Variants in SYT16 observed in about 807,000 individuals in gnomAD.
SYT16 encodes synaptotagmin 16, also known as synaptotagmin-16.
A neutral mutation model predicts 61.4 loss-of-function variants in SYT16; 42 were observed. The ratio of observed to expected loss-of-function variants is 0.68; its 90% CI spans 0.53 to 0.89. The LOEUF is 0.89. Ranked by LOEUF, SYT16 falls within the 40% of genes least tolerant of loss-of-function variation. The pLI is 0.00. For missense variants in SYT16, 804 were observed against 807.3 expected, an observed-to-expected ratio of 1.00 and a Z score of 0.05; for synonymous variants, 314 against 302.3, an observed-to-expected ratio of 1.04 and a Z score of -0.40.
intron 7 of SYT16, among the ~76,000 whole-genome samples, chr14:62,088,206 C>T (rs1267725248): frequency 7.9e-5 from 12 of 152,116 alleles, no homozygotes; most frequent in South Asian, 2.1e-4. Flanking sequence ...ACAGTCCTCA[C>T]GCCCATCTAG....
At chr14:62,070,329 A>G (rs9323382) in intron 4 of SYT16, among the ~76,000 whole-genome samples, 28,820 of 152,172 alleles carry the variant, frequency 0.19, 2,747 homozygotes, top group South Asian at 0.28. Context: ...GTAGTGTAAT[A>G]ATATTAAATA....
At chr14:61,858,120 C>CAAAAAAAAAAAAAAAAAAAA (rs34781118) in intron 1 of SYT16, among the ~76,000 whole-genome samples, 2 of 43,230 alleles carry the variant, frequency 4.6e-5, no homozygotes, top group African/African-American at 5.8e-5. Flanking sequence ...CACAGCTTGG[C>CAAAAAAAAAAAAAAAAAAAA]AAAAAAAAAA....
chr14:61,952,973 C>T (rs537585923), intron 1 of SYT16, among the ~76,000 whole-genome samples: 33 of 152,132 alleles, frequency 2.2e-4, no homozygotes, highest in African/African-American at 6.7e-4. Flanking sequence ...AATATTATTA[C>T]GCTTATAATG....
chr14:61,829,441 TTA>T, intron 1 of SYT16, among the ~76,000 whole-genome samples: 1 of 152,286 alleles, frequency 6.6e-6, no homozygotes, highest in East Asian at 1.9e-4. Flanking sequence ...ATCTCTAGAT[TTA>T]TGTCTTTCCC....
At chr14:62,011,926 C>CTATATATATATATATATATAT (rs2053479327) in intron 3 of SYT16, among the ~76,000 whole-genome samples, 1 of 132,772 alleles carries the variant, frequency 7.5e-6, no homozygotes, top group African/African-American at 3.4e-5. Context: ...CACACACACA[C>CTATATATATATATATATATAT]ATATATATAT....
At chr14:61,850,006 C>A (rs1421316198) in intron 1 of SYT16, among the ~76,000 whole-genome samples, 1 of 152,182 alleles carries the variant, frequency 6.6e-6, no homozygotes, top group African/African-American at 2.4e-5. Flanking sequence ...TTCCCACCAA[C>A]AATATGAGTT....
chr14:61,989,997 T>A (rs1219870667), intron 2 of SYT16, among the ~76,000 whole-genome samples: 1 of 152,164 alleles, frequency 6.6e-6, no homozygotes. Context: ...TTTATATTTG[T>A]TGAGATGCCA....
chr14:62,054,825 T>A (rs539578092), intron 3 of SYT16, among the ~76,000 whole-genome samples: 1 of 152,282 alleles, frequency 6.6e-6, no homozygotes, highest in South Asian at 2.1e-4. Flanking sequence ...ACTTTAGAAA[T>A]TGCCTTGAGG....
At chr14:61,924,318 T>TAATC (rs1227025495) in intron 1 of SYT16, among the ~76,000 whole-genome samples, 1 of 152,214 alleles carries the variant, frequency 6.6e-6, no homozygotes, top group Non-Finnish European at 1.5e-5. Context: ...GGAGCCAAGA[T>TAATC]AATCCCTGGG....
At position 61,952,657 on chromosome 14, in the gene SYT16, C is replaced by G. The variant is rs761322160; in HGVS notation, c.-324-17475C>G. Among the ~76,000 whole-genome samples the G allele has an allele frequency of 1.2e-3, 182 of 152,264 alleles. 1 individual carries two copies. Among genetic ancestry groups the G allele is most frequent in the East Asian group, 3.9e-4 (2 of 5,190 alleles). On this transcript the variant is annotated intron_variant, in intron 1 of 7. Transcript: ENST00000683842. Reference sequence around the variant, plus strand: ...TAAAGATAGCACCCCATGTATACCCCCAAATGTTGTGTTCTCAAGTGTTTT... The same window carrying G: ...TAAAGATAGCACCCCATGTATACCCGCAAATGTTGTGTTCTCAAGTGTTTT...
At chr14:61,998,728 C>G (rs1353897809) in intron 3 of SYT16, among the ~76,000 whole-genome samples, 3 of 151,858 alleles carry the variant, frequency 2.0e-5, no homozygotes. Context: ...AGTGAATATC[C>G]TTGCCTCAAT....
chr14:61,813,100 C>T (rs2045318751), intron 1 of SYT16, among the ~76,000 whole-genome samples: 1 of 152,260 alleles, frequency 6.6e-6, no homozygotes, highest in Admixed American at 6.5e-5. Flanking sequence ...GGCACTGCCC[C>T]CAGGCCCAGA....
At chr14:61,937,095 G>A (rs952065017) in intron 1 of SYT16, among the ~76,000 whole-genome samples, 2 of 152,240 alleles carry the variant, frequency 1.3e-5, no homozygotes, top group Admixed American at 1.3e-4. Context: ...AAGCTGGGCT[G>A]GCTGGAGCAG....
At chr14:61,973,087 A>G (rs1315695003) in intron 2 of SYT16, among the ~76,000 whole-genome samples, 3 of 152,220 alleles carry the variant, frequency 2.0e-5, no homozygotes, top group South Asian at 4.1e-4. Flanking sequence ...TTAATTTAAT[A>G]TATGTGAGGT....
intron 1 of SYT16, among the ~76,000 whole-genome samples, chr14:61,914,228 C>G (rs191779655): frequency 2.8e-4 from 42 of 152,286 alleles, no homozygotes; most frequent in Admixed American, 3.3e-4. Context: ...AGCAAAGTTT[C>G]TTTGCTAGGC....
At chr14:61,844,454 T>C (rs1048347084) in intron 1 of SYT16, among the ~76,000 whole-genome samples, 2 of 152,170 alleles carry the variant, frequency 1.3e-5, no homozygotes, top group African/African-American at 4.8e-5. Context: ...GGCATTCTCA[T>C]TGTGTTCCAA....
intron 3 of SYT16, among the ~76,000 whole-genome samples, chr14:62,054,360 G>GTTGTGTTTTTTTTTTTTTT: frequency 8.5e-6 from 1 of 118,298 alleles, no homozygotes; most frequent in Non-Finnish European, 1.7e-5. Context: ...AGTGAAGTGA[G>GTTGTGTTTTTTTTTTTTTT]TTTTTTTTTT....
In SYT16 at chr14:62,102,990, TATA is replaced by T. The variant is rs2057450188; in HGVS notation, c.*2286_*2288del. On this transcript the variant is annotated 3_prime_UTR_variant, in exon 8 of 8. Transcript: ENST00000683842. ...AATGCCTGAAAACATTTTTTATTTT[TATA>T]ATTTTACTATGTTGGTGCTACTCAC... 1.3e-5 allele frequency: 2 copies of T among 152,222 alleles called. No homozygotes were observed. The highest frequency in any genetic ancestry group is 2.9e-5 in the Non-Finnish European group (2 of 68,028). The allele number at this position is 152,222 out of a possible 1,614,324, so 9.4% of individuals were successfully genotyped here.
In SYT16 at chr14:62,110,790, G is replaced by A. The variant is rs1470105645; in HGVS notation, c.*10083G>A. ...CAACCTAACTTTGAGTACAGGCAAA[G>A]TATTAAATGGAATAGCTTTTCCTCC... On this transcript the variant is annotated 3_prime_UTR_variant, in exon 8 of 8. Coordinates refer to ENST00000683842, the MANE Select transcript of SYT16 (RefSeq NM_001367656.1). 1.3e-5 allele frequency: 2 copies of A among 152,076 alleles called. No individual in the cohort carries two copies. The highest frequency in any genetic ancestry group is 2.4e-5 in the African/African-American group (1 of 41,454). 9.4% of individuals were successfully genotyped at this position (152,076 alleles called of 1,614,324 possible).
Sources: gnomAD v4.1 joint callset for allele counts (sites outside exome capture counted in the v4.1 genomes callset) on GRCh38, gnomAD v4.1.1 for gene constraint, MANE v1.5 for transcripts, NCBI Gene and HGNC (gene_info 2026-07-23, HGNC 2026-07-21) for gene names.